The following JAM3 variants were observed in gnomAD, a reference collection of about 807,000 sequenced individuals.
JAM3 encodes junctional adhesion molecule C.
JAM3 carries 31 observed loss-of-function variants against 39.4 expected under a neutral mutation model. The ratio of observed to expected loss-of-function variants is 0.79; its 90% CI spans 0.59 to 1.06. The LOEUF (loss-of-function observed/expected upper bound fraction) is 1.06, where lower values mean the gene tolerates loss of function less well. Among genes scored for constraint, JAM3 ranks in the 50% least tolerant of loss-of-function variants. JAM3 has a pLI of 0.00. For missense variants in JAM3, 455 were observed against 391.4 expected, an observed-to-expected ratio of 1.16 and a Z score of -1.37; for synonymous variants, 182 against 148.7, an observed-to-expected ratio of 1.22 and a Z score of -1.63.
intron 1 of JAM3, chr11:134,126,370 A>G (rs777272470): frequency 7.9e-5 from 12 of 152,370 alleles, no homozygotes; most frequent in Non-Finnish European, 1.3e-4. Flanking sequence ...CATCCCTGCC[A>G]TCTCTCTTTG....
intron 1 of JAM3, chr11:134,124,343 A>G (rs1942598407): frequency 6.7e-6 from 5 of 745,792 alleles, no homozygotes; most frequent in Admixed American, 5.8e-5. Flanking sequence ...CAAATGAAAA[A>G]TGTGAGTGTG....
chr11:134,096,914 A>T (rs923278801), intron 1 of JAM3, among the ~76,000 whole-genome samples: 1 of 152,090 alleles, frequency 6.6e-6, no homozygotes. Context: ...AATTTGGTTT[A>T]TTATTACCAT....
rs138536397 is a variant in JAM3 at position 134,082,651 on chromosome 11, C to G, written c.76+13492C>G. ...CCTTCTGCCATGGTTATGAGGCCTT[C>G]CTAGCCATGTGGAACTGTAACTATG... On this transcript the variant is annotated intron_variant, in intron 1 of 8. Transcript: ENST00000299106. 7.2e-3 allele frequency among the ~76,000 whole-genome samples: 1,093 copies of G among 152,274 alleles called. 9 individuals are homozygous for G. The highest frequency in any genetic ancestry group is 0.025 in the African/African-American group (1,024 of 41,552).
intron 1 of JAM3, among the ~76,000 whole-genome samples, chr11:134,121,714 A>C (rs898434988): frequency 1.3e-5 from 2 of 152,098 alleles, no homozygotes; most frequent in East Asian, 3.9e-4. Flanking sequence ...ATGAGGGCTA[A>C]TGTTTCATGT....
chr11:134,111,363 C>T (rs536857663), intron 1 of JAM3, among the ~76,000 whole-genome samples: 24 of 152,040 alleles, frequency 1.6e-4, no homozygotes, highest in African/African-American at 5.5e-4. Context: ...AGCATGGTCT[C>T]AATCTCCTGA....
chr11:134,113,170 C>T (rs1200718057), intron 1 of JAM3, among the ~76,000 whole-genome samples: 1 of 149,426 alleles, frequency 6.7e-6, no homozygotes, highest in South Asian at 2.1e-4. Flanking sequence ...TAGTAATTGA[C>T]AATGTGGGTT....
At chr11:134,095,758 A>G (rs1941969797) in intron 1 of JAM3, among the ~76,000 whole-genome samples, 1 of 152,186 alleles carries the variant, frequency 6.6e-6, no homozygotes, top group Non-Finnish European at 1.5e-5. Context: ...CTACATGACC[A>G]CTTACTAAAT....
intron 1 of JAM3, among the ~76,000 whole-genome samples, chr11:134,115,092 A>C (rs1007618939): frequency 6.6e-6 from 1 of 152,166 alleles, no homozygotes; most frequent in Non-Finnish European, 1.5e-5. Context: ...ATCGATTTTT[A>C]AATTTATTGT....
At chr11:134,130,812 A>G (rs1209053964) in intron 1 of JAM3, among the ~76,000 whole-genome samples, 2 of 152,224 alleles carry the variant, frequency 1.3e-5, no homozygotes, top group African/African-American at 2.4e-5. Context: ...TGTCTATTCC[A>G]GCCTTTCTGG....
chr11:134,100,897 A>G (rs894444192), intron 1 of JAM3, among the ~76,000 whole-genome samples: 2 of 152,228 alleles, frequency 1.3e-5, no homozygotes, highest in Non-Finnish European at 2.9e-5. Flanking sequence ...ACTTAGTTTT[A>G]AAGTAAATAT....
chr11:134,076,832 G>GT (rs759965688), intron 1 of JAM3, among the ~76,000 whole-genome samples: 4 of 121,052 alleles, frequency 3.3e-5, no homozygotes, highest in Non-Finnish European at 3.4e-5. Context: ...AACATCTATT[G>GT]CTTTTTTTTT....
At chr11:134,111,116 A>G (rs1942299988) in intron 1 of JAM3, among the ~76,000 whole-genome samples, 1 of 141,132 alleles carries the variant, frequency 7.1e-6, no homozygotes, top group Admixed American at 7.2e-5. Flanking sequence ...CCTGTACCAT[A>G]CCCAACACAC....
chr11:134,145,404 A>T (rs891228545), intron 5 of JAM3: 15 of 334,050 alleles, frequency 4.5e-5, no homozygotes, highest in African/African-American at 3.0e-4. Context: ...AGAGATACTG[A>T]AGTATTTATG....
chr11:134,111,837 G>T (rs1411676074), intron 1 of JAM3, among the ~76,000 whole-genome samples: 1 of 152,078 alleles, frequency 6.6e-6, no homozygotes, highest in Non-Finnish European at 1.5e-5. Flanking sequence ...AGCTTCTGTA[G>T]ATCCATAAAT....
chr11:134,116,915 C>T (rs1425740771), intron 1 of JAM3, among the ~76,000 whole-genome samples: 1 of 152,078 alleles, frequency 6.6e-6, no homozygotes, highest in Non-Finnish European at 1.5e-5. Flanking sequence ...CATATTCATT[C>T]TTTGATGTGA....
At chr11:134,089,736 C>G (rs1365764022) in intron 1 of JAM3, among the ~76,000 whole-genome samples, 3 of 152,164 alleles carry the variant, frequency 2.0e-5, no homozygotes, top group Non-Finnish European at 4.4e-5. Context: ...GGTTCCAAGT[C>G]TTTGCTATTG....
chr11:134,079,285 C>A (rs1246931857), intron 1 of JAM3, among the ~76,000 whole-genome samples: 2 of 152,160 alleles, frequency 1.3e-5, no homozygotes, highest in East Asian at 3.8e-4. Context: ...TATAGCTATT[C>A]CACACTAGAC....
intron 1 of JAM3, among the ~76,000 whole-genome samples, chr11:134,116,506 G>C (rs529661036): frequency 1.3e-5 from 2 of 151,984 alleles, no homozygotes; most frequent in African/African-American, 4.8e-5. Context: ...AAATCTTCCA[G>C]CTTTGGCCAC....
At chr11:134,117,109 C>A (rs915283805) in intron 1 of JAM3, among the ~76,000 whole-genome samples, 2 of 151,450 alleles carry the variant, frequency 1.3e-5, no homozygotes, top group African/African-American at 4.8e-5. Flanking sequence ...TGCCTGTAAT[C>A]CCAGCACTTT....
Sources: gnomAD v4.1 joint callset for allele counts (sites outside exome capture counted in the v4.1 genomes callset) on GRCh38, gnomAD v4.1.1 for gene constraint, MANE v1.5 for transcripts, NCBI Gene and HGNC (gene_info 2026-07-23, HGNC 2026-07-21) for gene names.